MIS18A: variants seen among roughly 807,000 people sequenced by gnomAD.
The protein encoded by MIS18A is protein Mis18-alpha.
In MIS18A, 14 loss-of-function variants were observed where a neutral mutation model predicts 25.0. That is an observed-to-expected ratio of 0.56 (90% CI 0.37 to 0.88). The LOEUF (loss-of-function observed/expected upper bound fraction) is 0.88, where lower values mean the gene tolerates loss of function less well. Among genes scored for constraint, MIS18A ranks in the 40% least tolerant of loss-of-function variants. MIS18A has a pLI of 0.00. For missense variants in MIS18A, 292 were observed against 290.8 expected, an observed-to-expected ratio of 1.00 and a Z score of -0.03; for synonymous variants, 134 against 118.6, an observed-to-expected ratio of 1.13 and a Z score of -0.84.
the MIS18A span, chr21:32,156,402 A>C: frequency 6.6e-6 from 1 of 152,198 alleles, no homozygotes; most frequent in African/African-American, 2.4e-5. Flanking sequence ...ATTGAAAAGT[A>C]CTCACAGTTT....
chr21:32,233,819 C>T, the MIS18A span, among the ~76,000 whole-genome samples: 1 of 152,086 alleles, frequency 6.6e-6, no homozygotes, highest in African/African-American at 2.4e-5. Context: ...GCAAATTGAT[C>T]CAAGGAGGAA....
the MIS18A span, among the ~76,000 whole-genome samples, chr21:32,229,841 C>A: frequency 6.6e-6 from 1 of 152,190 alleles, no homozygotes; most frequent in Non-Finnish European, 1.5e-5. Flanking sequence ...CTATTATCAG[C>A]CCCTTTTCAT....
the MIS18A span, among the ~76,000 whole-genome samples, chr21:32,202,477 T>C: frequency 6.6e-6 from 1 of 152,136 alleles, no homozygotes; most frequent in African/African-American, 2.4e-5. Flanking sequence ...GTAATCAAAA[T>C]ACACATAACA....
At chr21:32,162,357 C>T in the MIS18A span, among the ~76,000 whole-genome samples, 48,172 of 152,026 alleles carry the variant, frequency 0.32, 7,793 homozygotes, top group Admixed American at 0.33. Flanking sequence ...CTAATGGGCG[C>T]GCTGCGTCGA....
chr21:32,219,094 C>CAATTACAT, the MIS18A span, among the ~76,000 whole-genome samples: 17 of 151,508 alleles, frequency 1.1e-4, no homozygotes, highest in East Asian at 3.3e-3. Context: ...ATCTTATCAG[C>CAATTACAT]AATTACATTA....
the MIS18A span, among the ~76,000 whole-genome samples, chr21:32,155,506 A>G: frequency 6.6e-6 from 1 of 152,230 alleles, no homozygotes; most frequent in Non-Finnish European, 1.5e-5. Context: ...AAACAAAAAG[A>G]GATAAATAAC....
the MIS18A span, among the ~76,000 whole-genome samples, chr21:32,190,723 T>A: frequency 6.6e-5 from 10 of 152,210 alleles, no homozygotes; most frequent in African/African-American, 2.4e-4. Context: ...GGCATGTGAC[T>A]GTTTGCTGTG....
the MIS18A span, among the ~76,000 whole-genome samples, chr21:32,252,798 G>T: frequency 3.3e-5 from 5 of 152,164 alleles, no homozygotes; most frequent in African/African-American, 9.7e-5. Flanking sequence ...TCTAACCCAA[G>T]ATTTCTTCCT....
the MIS18A span, chr21:32,261,160 T>A: frequency 3.3e-5 from 5 of 152,254 alleles, no homozygotes; most frequent in African/African-American, 7.2e-5. Flanking sequence ...CCAGGCCCCA[T>A]GGCATCCAGC....
the MIS18A span, among the ~76,000 whole-genome samples, chr21:32,253,522 G>A: frequency 4.0e-5 from 6 of 151,884 alleles, no homozygotes; most frequent in African/African-American, 1.5e-4. Flanking sequence ...CTCTGTCTCT[G>A]GGGCTGGACA....
At chr21:32,275,714 C>T (rs1464169130) in intron 1 of MIS18A, among the ~76,000 whole-genome samples, 1 of 152,062 alleles carries the variant, frequency 6.6e-6, no homozygotes, top group African/African-American at 2.4e-5. Flanking sequence ...CGGTAAACTC[C>T]AACTCCATCT....
the MIS18A span, among the ~76,000 whole-genome samples, chr21:32,231,574 A>G: frequency 6.6e-6 from 1 of 152,190 alleles, no homozygotes; most frequent in Non-Finnish European, 1.5e-5. Context: ...TTGAACGCTC[A>G]TATGCTGCTG....
At chr21:32,206,514 A>C in the MIS18A span, among the ~76,000 whole-genome samples, 1 of 152,082 alleles carries the variant, frequency 6.6e-6, no homozygotes, top group South Asian at 2.1e-4. Flanking sequence ...TTTTAGCTTA[A>C]ATGGAGGGAA....
chr21:32,224,368 T>C, the MIS18A span, among the ~76,000 whole-genome samples: 1 of 151,232 alleles, frequency 6.6e-6, no homozygotes, highest in Non-Finnish European at 1.5e-5. Context: ...TGACTGTTTA[T>C]CTAGAAAACC....
chr21:32,263,687 G>C (rs912202358), downstream of MIS18A, among the ~76,000 whole-genome samples: 3 of 152,084 alleles, frequency 2.0e-5, no homozygotes, highest in Admixed American at 6.5e-5. Flanking sequence ...AAAGATGTTA[G>C]GACTTGTTCT....
At chr21:32,177,279 A>C in the MIS18A span, among the ~76,000 whole-genome samples, 5 of 152,324 alleles carry the variant, frequency 3.3e-5, no homozygotes, top group Admixed American at 1.3e-4. Flanking sequence ...ACCTTTAGCA[A>C]ACTAGGAATA....
the MIS18A span, among the ~76,000 whole-genome samples, chr21:32,226,482 C>T: frequency 6.6e-6 from 1 of 151,814 alleles, no homozygotes; most frequent in South Asian, 2.1e-4. Flanking sequence ...ATACAAAAAT[C>T]GTTACTAGAG....
the MIS18A span, among the ~76,000 whole-genome samples, chr21:32,227,467 C>T: frequency 7.9e-3 from 1,189 of 151,436 alleles, 14 homozygotes; most frequent in African/African-American, 0.027. Context: ...CTAGATGAAA[C>T]GGACATATTC....
intron 2 of MIS18A, among the ~76,000 whole-genome samples, chr21:32,274,197 C>CT (rs1184186125): frequency 0.015 from 1,106 of 72,806 alleles, 91 homozygotes; most frequent in Non-Finnish European, 0.018. Flanking sequence ...TCCTTTTCTT[C>CT]TTTTTTTTTT....
Sources: gnomAD v4.1 joint callset for allele counts (sites outside exome capture counted in the v4.1 genomes callset) on GRCh38, gnomAD v4.1.1 for gene constraint, MANE v1.5 for transcripts, NCBI Gene and HGNC (gene_info 2026-07-23, HGNC 2026-07-21) for gene names.